DNAH6: variants seen among roughly 807,000 people sequenced by gnomAD.
The protein encoded by DNAH6 is axonemal beta dynein heavy chain 6.
In DNAH6, 340 loss-of-function variants were observed where a neutral mutation model predicts 491.4. That is an observed-to-expected ratio of 0.69 (90% CI 0.63 to 0.76). The LOEUF is 0.76. Among genes scored for constraint, DNAH6 ranks in the 30% least tolerant of loss-of-function variants. The pLI is 0.00. For missense variants in DNAH6, 4,443 were observed against 4,972.2 expected (o/e 0.89, Z 3.20); for synonymous variants, 1,603 against 1,686.1 (o/e 0.95, Z 1.21).
rs1013125691 is a variant in DNAH6, at chr2:84,816,095, C to A, written c.12373+12C>A. 297 of 1,535,084 alleles carry A rather than the reference C, an allele frequency of 1.9e-4. No individual in the cohort carries two copies. The highest frequency in any genetic ancestry group is 2.6e-4 in the Non-Finnish European group (290 of 1,134,646). Reference sequence around the variant, plus strand: ...ACTCTCAACCACAGGTGAGGATGTTCTTAAGATTAGTTCAAATAATGACCA... The same window carrying A: ...ACTCTCAACCACAGGTGAGGATGTTATTAAGATTAGTTCAAATAATGACCA... On this transcript the variant is annotated intron_variant, in intron 76 of 76. Coordinates refer to ENST00000389394, the MANE Select transcript of DNAH6 (RefSeq NM_001370.2).
chr2:84,661,934 G>A (rs1361802217), intron 37 of DNAH6, among the ~76,000 whole-genome samples: 1 of 152,124 alleles, frequency 6.6e-6, no homozygotes, highest in Non-Finnish European at 1.5e-5. Context: ...ATTGGTGAAA[G>A]GATATCAAAT....
chr2:84,786,424 C>CA (rs34307388), intron 67 of DNAH6, among the ~76,000 whole-genome samples: 623 of 88,382 alleles, frequency 7.0e-3, no homozygotes, highest in South Asian at 0.019. Context: ...GACTCTGTCT[C>CA]AAAAAAAAAA....
chr2:84,787,067 C>G, intron 67 of DNAH6, 97 bp from the exon 68 acceptor site: 1 of 895,600 alleles, frequency 1.1e-6, no homozygotes, highest in Non-Finnish European at 1.6e-6. Context: ...TGTGGGGATG[C>G]CCATTTTCAA....
chr2:84,753,748 ACT>A (rs1172734917), intron 63 of DNAH6, among the ~76,000 whole-genome samples: 1 of 128,972 alleles, frequency 7.8e-6, no homozygotes, highest in Non-Finnish European at 1.7e-5. Flanking sequence ...CAGGAGTGAA[ACT>A]CTGTTAAAAA....
Position 84,611,718 on chromosome 2 carries a change from T to C in DNAH6, c.3339T>C (p.Ser1113=), listed in dbSNP as rs1686353653. Residue 1113 remains serine, a synonymous_variant, in exon 22 of 77, where the codon AGT becomes AGC. Coordinates refer to ENST00000389394, the MANE Select transcript of DNAH6 (RefSeq NM_001370.2). ...TCQRNWLYLE[S]IFNAPDIQRQ... ...AGAGAAACTGGCTCTACCTAGAAAG[T>C]ATTTTCAATGCTCCAGACATTCAGA... is the stretch of plus-strand genomic sequence containing the variant. 1 of 1,551,084 alleles carries C rather than the reference T, an allele frequency of 6.4e-7. No individual in the cohort carries two copies. Among genetic ancestry groups the C allele is most frequent in the Non-Finnish European group, 8.7e-7 (1 of 1,146,580 alleles).
chr2:84,472,447 A>T, the DNAH6 span, among the ~76,000 whole-genome samples: 5 of 152,222 alleles, frequency 3.3e-5, no homozygotes, highest in South Asian at 1.0e-3. Context: ...CCTGTTTGAC[A>T]TGTGGCCCAG....
At chr2:84,771,667 G>A (rs1675634267) in intron 64 of DNAH6, among the ~76,000 whole-genome samples, 1 of 152,196 alleles carries the variant, frequency 6.6e-6, no homozygotes, top group South Asian at 2.1e-4. Flanking sequence ...CAATGGAATG[G>A]CATATTCAAA....
intron 33 of DNAH6, among the ~76,000 whole-genome samples, chr2:84,646,754 C>T (rs1240743650): frequency 6.6e-6 from 1 of 152,132 alleles, no homozygotes. Context: ...AAGAAAAGTT[C>T]AAAGCTAGCA....
At position 84,816,062 on chromosome 2, in the gene DNAH6, G is replaced by A. The variant is rs72836490; in HGVS notation, c.12352G>A (p.Ala4118Thr). 5,892 of 1,551,414 alleles carry A rather than the reference G, an allele frequency of 3.8e-3. 20 individuals are homozygous for A. Among genetic ancestry groups the A allele is most frequent in the Non-Finnish European group, 4.8e-3 (5,501 of 1,146,812 alleles). ...CCCACTTTATAAAACAGGAGCCCGG[G>A]CAGGAACACTCTCAACCACAGGTGA... ...HCPLYKTGAR[A>T]GTLSTTGHST... The change falls in exon 76 of 77, where the codon GCA becomes ACA. Residue 4118 changes from alanine (A) to threonine (T), a missense_variant. Physicochemically the swap from Ala to Thr is moderately conservative, Grantham distance 58. Transcript: ENST00000389394.
At chr2:84,533,786 C>A (rs1370071035) in intron 4 of DNAH6, among the ~76,000 whole-genome samples, 1 of 152,146 alleles carries the variant, frequency 6.6e-6, no homozygotes, top group Non-Finnish European at 1.5e-5. Flanking sequence ...ATTGGCTTAC[C>A]ATCTGATTCA....
At chr2:84,687,937 C>G (rs879670394) in intron 44 of DNAH6, among the ~76,000 whole-genome samples, 4 of 151,902 alleles carry the variant, frequency 2.6e-5, no homozygotes, top group Non-Finnish European at 4.4e-5. Flanking sequence ...AACCTAACAG[C>G]AAAAAAATGA....
intron 22 of DNAH6, among the ~76,000 whole-genome samples, chr2:84,616,602 T>C (rs1573233856): frequency 1.3e-5 from 2 of 152,118 alleles, no homozygotes; most frequent in East Asian, 3.9e-4. Context: ...GGTGAGTCTC[T>C]TGAAGACAGC....
intron 5 of DNAH6, 139 bp downstream of exon 5, chr2:84,544,639 T>C (rs1347228753): frequency 3.3e-6 from 2 of 605,428 alleles, no homozygotes; most frequent in East Asian, 2.9e-5. Flanking sequence ...CATCCTGTCT[T>C]GTCATTTAGG....
In DNAH6 at chr2:84,670,407, A is replaced by C. The variant is rs1384715692; in HGVS notation, c.6386A>C (p.Gln2129Pro). The change falls in exon 39 of 77, where the codon CAA becomes CCA. Residue 2129 changes from glutamine to proline, a missense_variant. By Grantham distance (76) the Gln-to-Pro change is moderately conservative. Transcript: ENST00000389394. ...CCTGTTTATCTAAATTTTTCTGCTC[A>C]AACTTCATCTGCAAGGACACAAGAG... ...YVPVYLNFSAQTSSARTQEII... is the reference protein window; with the variant it reads ...YVPVYLNFSAPTSSARTQEII... 7 of 1,547,910 alleles carry C rather than the reference A, an allele frequency of 4.5e-6. No homozygotes were observed. In the Admixed American group the frequency reaches 1.2e-4, roughly 26 times the overall value.
chr2:84,813,090 C>T lies in DNAH6; in HGVS notation c.11958C>T (p.Tyr3986=). 6.4e-7 allele frequency: 1 copy of T among 1,551,886 alleles called. No homozygotes were observed. ...LWLKRGQPKS[Y]WISGFFFPQG... The stretch of plus-strand genomic sequence containing the variant: ...TCAAAAGAGGACAGCCTAAGTCCTA[C>T]TGGATCTCTGGTTTCTTCTTTCCTC... Residue 3986 remains tyrosine, a synonymous_variant, in exon 74 of 77, where the codon TAC becomes TAT. Coordinates refer to ENST00000389394, the MANE Select transcript of DNAH6 (RefSeq NM_001370.2).
intron 66 of DNAH6, 36 bp from the exon 67 acceptor site, chr2:84,785,574 C>A: frequency 2.0e-6 from 3 of 1,475,334 alleles, no homozygotes; most frequent in South Asian, 2.8e-5. Context: ...TCTATAAAAT[C>A]ACTCTCTCTG....
the DNAH6 span, among the ~76,000 whole-genome samples, chr2:84,509,031 G>A: frequency 6.6e-6 from 1 of 152,116 alleles, no homozygotes; most frequent in African/African-American, 2.4e-5. Flanking sequence ...GCACTGAGAA[G>A]AATGTATATT....
chr2:84,816,986 GA>G (rs1680547512), intron 76 of DNAH6, among the ~76,000 whole-genome samples: 1 of 152,148 alleles, frequency 6.6e-6, no homozygotes, highest in Admixed American at 6.5e-5. Flanking sequence ...TAGGTAACCT[GA>G]AAGGAGAAAA....
chr2:84,585,047 T>G (rs1275948279), intron 15 of DNAH6, among the ~76,000 whole-genome samples: 1 of 152,208 alleles, frequency 6.6e-6, no homozygotes, highest in African/African-American at 2.4e-5. Flanking sequence ...TACCTTTACA[T>G]GTATTAACGT....
Sources: gnomAD v4.1 joint callset for allele counts (sites outside exome capture counted in the v4.1 genomes callset) on GRCh38, gnomAD v4.1.1 for gene constraint, MANE v1.5 for transcripts, NCBI Gene and HGNC (gene_info 2026-07-23, HGNC 2026-07-21) for gene names.